Variants in SRGAP3 observed in about 807,000 individuals in gnomAD.
SRGAP3 encodes SLIT-ROBO Rho GTPase activating protein 3.
A neutral mutation model predicts 121.1 loss-of-function variants in SRGAP3; 39 were observed. The ratio of observed to expected loss-of-function variants is 0.32; its 90% confidence interval spans 0.25 to 0.42. The LOEUF is 0.42. Ranked by LOEUF, SRGAP3 falls within the 10% of genes least tolerant of loss-of-function variation. The pLI is 1.00. For synonymous variants in SRGAP3, 601 were observed against 570.0 expected (o/e 1.05, Z -0.77); for missense variants, 1,213 against 1,470.6 (o/e 0.82, Z 2.86).
chr3:9,265,798 G>A (rs1484392758), intron 3 of SRGAP3, among the ~76,000 whole-genome samples: 2 of 152,032 alleles, frequency 1.3e-5, no homozygotes, highest in Admixed American at 1.3e-4. Context: ...TTCAACCATT[G>A]TGGAAGACAG....
At chr3:9,092,967 C>T (rs949828640) in intron 3 of SRGAP3, among the ~76,000 whole-genome samples, 1 of 152,108 alleles carries the variant, frequency 6.6e-6, no homozygotes, top group Admixed American at 6.5e-5. Flanking sequence ...CATATTCTCT[C>T]TCTCTCTCTC....
At chr3:9,088,935 C>G (rs1057039645) in intron 3 of SRGAP3, among the ~76,000 whole-genome samples, 1 of 152,116 alleles carries the variant, frequency 6.6e-6, no homozygotes, top group Non-Finnish European at 1.5e-5. Flanking sequence ...CAGCCATGTC[C>G]TCCGTACAGC....
chr3:9,304,743 G>A (rs144688094), intron 3 of SRGAP3, among the ~76,000 whole-genome samples: 217 of 152,246 alleles, frequency 1.4e-3, no homozygotes, highest in African/African-American at 4.8e-3. Flanking sequence ...CTCCCTGAGG[G>A]CCTGGGATGC....
chr3:9,028,296 G>A (rs1944312248), intron 12 of SRGAP3, among the ~76,000 whole-genome samples: 3 of 152,222 alleles, frequency 2.0e-5, no homozygotes, highest in Non-Finnish European at 4.4e-5. Context: ...CCTGTGGGGA[G>A]AGCCACCCTC....
intron 1 of SRGAP3, among the ~76,000 whole-genome samples, chr3:9,360,350 G>A (rs747627272): frequency 6.6e-6 from 1 of 152,188 alleles, no homozygotes; most frequent in Non-Finnish European, 1.5e-5. Flanking sequence ...AGAAAATAGT[G>A]TAAGTTAAAA....
chr3:9,033,407 C>T (rs1445037470), intron 11 of SRGAP3: 1 of 146,188 alleles, frequency 6.8e-6, no homozygotes, highest in Non-Finnish European at 1.5e-5. Context: ...AGTACACTTT[C>T]TTTTCTTTCT....
At chr3:9,037,990 A>C in intron 11 of SRGAP3, 73 bp downstream of exon 11, 1 of 1,598,754 alleles carries the variant, frequency 6.3e-7, no homozygotes, top group African/African-American at 1.3e-5. Context: ...AGCTCCTGGC[A>C]GTGCCTCCCC....
At chr3:9,064,862 A>C in intron 4 of SRGAP3, among the ~76,000 whole-genome samples, 1 of 18,236 alleles carries the variant, frequency 5.5e-5, no homozygotes, top group East Asian at 8.7e-4. Context: ...AAAAAATAAT[A>C]ATAAATAAAT....
intron 1 of SRGAP3, among the ~76,000 whole-genome samples, chr3:9,226,840 C>T (rs948185158): frequency 3.9e-5 from 6 of 152,202 alleles, no homozygotes; most frequent in Non-Finnish European, 8.8e-5. Context: ...ATTGTTGAAG[C>T]TGATGGCTCT....
chr3:9,154,684 A>G (rs983665378), intron 1 of SRGAP3, among the ~76,000 whole-genome samples: 2 of 152,230 alleles, frequency 1.3e-5, no homozygotes, highest in Non-Finnish European at 2.9e-5. Flanking sequence ...TTTATTTAAC[A>G]TATCAAGTGT....
At chr3:9,259,146 C>T (rs906384280) in intron 3 of SRGAP3, among the ~76,000 whole-genome samples, 4 of 152,172 alleles carry the variant, frequency 2.6e-5, no homozygotes, top group South Asian at 2.1e-4. Flanking sequence ...GCTCCTGCGT[C>T]GCCTTCTCAC....
At chr3:9,075,991 G>A (rs1287247949) in intron 4 of SRGAP3, among the ~76,000 whole-genome samples, 1 of 152,168 alleles carries the variant, frequency 6.6e-6, no homozygotes, top group Non-Finnish European at 1.5e-5. Context: ...AAGGGGAGGG[G>A]GCCTTGCTTT....
chr3:9,348,402 T>C, intron 1 of SRGAP3: 2 of 559,274 alleles, frequency 3.6e-6, no homozygotes, highest in South Asian at 2.0e-5. Context: ...GCCTCCAGAA[T>C]CCGCGAACCC....
chr3:9,106,163 T>G (rs533277526), intron 2 of SRGAP3, among the ~76,000 whole-genome samples: 1 of 152,336 alleles, frequency 6.6e-6, no homozygotes, highest in South Asian at 2.1e-4. Context: ...CAGGAAAGGG[T>G]GGATACACCC....
chr3:9,080,673 G>C (rs1182878844), intron 3 of SRGAP3, among the ~76,000 whole-genome samples: 2 of 152,168 alleles, frequency 1.3e-5, no homozygotes, highest in Non-Finnish European at 2.9e-5. Flanking sequence ...CGGTGGGTGA[G>C]CGGGCATTAC....
At chr3:9,104,154 G>T (rs1271816286) in intron 3 of SRGAP3, among the ~76,000 whole-genome samples, 1 of 152,186 alleles carries the variant, frequency 6.6e-6, no homozygotes, top group Non-Finnish European at 1.5e-5. Flanking sequence ...GTGGGAAAAT[G>T]TAATAGAGTG....
intron 1 of SRGAP3, among the ~76,000 whole-genome samples, chr3:9,127,304 T>C (rs952032980): frequency 6.6e-6 from 1 of 152,136 alleles, no homozygotes; most frequent in African/African-American, 2.4e-5. Flanking sequence ...GAAACTGCAC[T>C]CCAGCCTATA....
In SRGAP3 at chr3:9,032,633, G is replaced by C; in HGVS notation, c.1539+17C>G. 6.2e-7 allele frequency: 1 copy of C among 1,611,186 alleles called. No homozygotes were observed. The highest frequency in any genetic ancestry group is 8.5e-7 in the Non-Finnish European group (1 of 1,177,864). On this transcript the variant is annotated intron_variant, in intron 12 of 21. Coordinates refer to ENST00000383836, the MANE Select transcript of SRGAP3 (RefSeq NM_014850.4). The stretch of plus-strand genomic sequence containing the variant: ...CATTGGGTGCATTCGCGGACTCCAC[G>C]GCTCCCCAGCAAGTACCTTAATGAA...
intron 3 of SRGAP3, among the ~76,000 whole-genome samples, chr3:9,090,617 C>T (rs1270210370): frequency 2.0e-5 from 3 of 152,118 alleles, no homozygotes; most frequent in African/African-American, 2.4e-5. Flanking sequence ...TTATGAGTTA[C>T]ATTTGAAAAG....
Sources: allele counts gnomAD v4.1 joint callset (sites outside exome capture counted in the v4.1 genomes callset), GRCh38; gene constraint gnomAD v4.1.1; transcripts MANE v1.5; gene names NCBI Gene and HGNC (gene_info 2026-07-23, HGNC 2026-07-21).